NCOR2: variants seen among roughly 807,000 people sequenced by gnomAD.
The protein encoded by NCOR2 is nuclear receptor corepressor 2.
In NCOR2, 81 loss-of-function variants were observed where a neutral mutation model predicts 262.9. The ratio of observed to expected loss-of-function variants is 0.31; its 90% CI spans 0.26 to 0.37. The LOEUF (loss-of-function observed/expected upper bound fraction) is 0.37, where lower values mean the gene tolerates loss of function less well. NCOR2 is among the 10% of genes least tolerant of loss of function. The pLI, the probability that NCOR2 is intolerant of heterozygous loss-of-function variation, is 1.00. For synonymous variants in NCOR2, 1,659 were observed against 1,559.3 expected (o/e 1.06, Z -1.51); for missense variants, 3,385 against 3,621.4 (o/e 0.93, Z 1.68).
intron 8 of NCOR2, 136 bp from the exon 11 acceptor site, chr12:124,430,923 C>T (rs2043876128): frequency 2.0e-6 from 2 of 984,556 alleles, no homozygotes; most frequent in South Asian, 1.7e-5. Flanking sequence ...CACACATATA[C>T]AGTCAGATAC....
intron 32 of NCOR2, among the ~76,000 whole-genome samples, chr12:124,343,871 G>C (rs1408849129): frequency 6.6e-6 from 1 of 152,126 alleles, no homozygotes; most frequent in Non-Finnish European, 1.5e-5. Flanking sequence ...CAGGTGATCT[G>C]CCTGCCTTGA....
rs764663064 is a variant in NCOR2, at chr12:124,343,042, G to C, written c.4899C>G (p.Asp1633Glu). Residue 1633 changes from aspartate to glutamate, a missense_variant, in exon 33 of 47, where the codon GAC becomes GAG. Asp to Glu is a conservative substitution (Grantham distance 45). Transcript: ENST00000405201. ...GGATGCCGCGGGGTATGGAGGTGGGGTCGAAGGCCAGGGGGATGTGGCTGC... is the reference window on the plus strand; with the variant it reads ...GGATGCCGCGGGGTATGGAGGTGGGCTCGAAGGCCAGGGGGATGTGGCTGC... 8 of 1,611,958 alleles carry C rather than the reference G, an allele frequency of 5.0e-6. No homozygotes were observed. In the South Asian group the frequency reaches 8.8e-5, roughly 18 times the overall value.
chr12:124,350,734 T>A lies in NCOR2; in HGVS notation c.3697A>T (p.Thr1233Ser), dbSNP rs1299888252. Residue 1233 changes from threonine (T) to serine (S), a missense_variant, in exon 28 of 47, where the codon ACG becomes TCG. Physicochemically the swap from Thr to Ser is moderately conservative, Grantham distance 58. Around this residue, in one of 5 missense-constraint regions of NCOR2, gnomAD observed 1,615 missense variants for 1,626.9 expected, o/e 0.99. Transcript: ENST00000405201. ...CCCTTGTACAGGACGTCAGCTGGCG[T>A]GCCCTGCAGGTGCAGAGGGGTGAGC... is the stretch of plus-strand genomic sequence containing the variant. 8 of 1,610,780 alleles carry A rather than the reference T, an allele frequency of 5.0e-6. No homozygotes were observed. The South Asian group carries it at 5.5e-5, about 11-fold the overall frequency.
Position 124,343,206 on chromosome 12 carries a change from C to A in NCOR2, c.4735G>T (p.Ala1579Ser), listed in dbSNP as rs1445674950. 1.9e-6 allele frequency: 3 copies of A among 1,608,016 alleles called. No individual in the cohort carries two copies. In the South Asian group the frequency reaches 3.3e-5, roughly 18 times the overall value. Residue 1579 changes from alanine (A) to serine (S), a missense_variant, in exon 33 of 47, where the codon GCA (alanine) becomes TCA (serine). Ala to Ser is a moderately conservative substitution (Grantham distance 99). This residue lies in a region of NCOR2 where 1,615 missense variants were observed against 1,626.9 expected (regional missense o/e 0.99). Coordinates refer to ENST00000405201, the Ensembl canonical transcript of NCOR2. Reference sequence around the variant, plus strand: ...GACGTCAGCTTTCGGTCCTGGGATGCCTTGCTGGACGAAAGGCTGCCTGTG... The same window carrying A: ...GACGTCAGCTTTCGGTCCTGGGATGACTTGCTGGACGAAAGGCTGCCTGTG...
At chr12:124,369,474 C>T (rs2039310169) in intron 20 of NCOR2, among the ~76,000 whole-genome samples, 2 of 151,916 alleles carry the variant, frequency 1.3e-5, no homozygotes, top group Admixed American at 1.3e-4. Context: ...CCTGGGGGGC[C>T]CGCCCGTCCC....
At chr12:124,519,849 AC>A (rs2050077396) in intron 1 of NCOR2, among the ~76,000 whole-genome samples, 1 of 151,594 alleles carries the variant, frequency 6.6e-6, no homozygotes, top group Non-Finnish European at 1.5e-5. Flanking sequence ...GCCGCCACAC[AC>A]AGACAGAGCA....
intron 22 of NCOR2, among the ~76,000 whole-genome samples, chr12:124,360,995 TG>T (rs1402561898): frequency 6.6e-6 from 1 of 152,038 alleles, no homozygotes; most frequent in African/African-American, 2.4e-5. Flanking sequence ...GCATGGTGCC[TG>T]GGGCCTTGGG....
intron 1 of NCOR2, among the ~76,000 whole-genome samples, chr12:124,557,770 C>T (rs771230889): frequency 7.9e-5 from 12 of 152,256 alleles, no homozygotes; most frequent in South Asian, 2.1e-4. Flanking sequence ...CAACTTCTCC[C>T]GCTTGCCTTC....
chr12:124,333,956 GT>G (rs2035601935), intron 41 of NCOR2, among the ~76,000 whole-genome samples: 2 of 120,606 alleles, frequency 1.7e-5, no homozygotes, highest in African/African-American at 3.9e-5. Context: ...GTGTGCACGT[GT>G]GTGTGTGCGG....
rs1479422260 is a variant in NCOR2, at chr12:124,432,214, GAC to G, written c.883-1429_883-1428del. 6.6e-5 allele frequency among the ~76,000 whole-genome samples: 10 copies of G among 151,964 alleles called. No individual in the cohort carries two copies. In the East Asian group the frequency reaches 1.4e-3, roughly 21 times the overall value. On this transcript the variant is annotated intron_variant, in intron 8 of 46. Coordinates refer to ENST00000405201, the Ensembl canonical transcript of NCOR2. The surrounding 1 kb of genome is among the most constrained non-coding windows in gnomAD (Gnocchi z 5.1). ...ACACATACACAGAGTCACACATGTA[GAC>G]ACACAACAGACACACACACATCACA...
intron 22 of NCOR2, among the ~76,000 whole-genome samples, chr12:124,359,013 C>T (rs2038266401): frequency 6.6e-6 from 1 of 152,276 alleles, no homozygotes; most frequent in South Asian, 2.1e-4. Flanking sequence ...TTAATCCAGA[C>T]TGCTATGCCA....
chr12:124,479,435 A>C (rs12422635), intron 3 of NCOR2, among the ~76,000 whole-genome samples: 3,376 of 145,400 alleles, frequency 0.023, 65 homozygotes, highest in Middle Eastern at 0.06. Context: ...GCACACAGGC[A>C]CATGTGTGCA....
chr12:124,519,089 T>TACAC lies in NCOR2; in HGVS notation c.-118+16472_-118+16475dup, dbSNP rs57438929. Among the ~76,000 whole-genome samples the TACAC allele has an allele frequency of 4.5e-3, 437 of 97,296 alleles. 2 individuals are homozygous for TACAC. The highest frequency in any genetic ancestry group is 0.012 in the African/African-American group (360 of 28,832). The allele number at this position is 97,296 out of a possible 152,430, so 63.8% of individuals were successfully genotyped here. A position where few individuals can be genotyped will look rare whatever the true frequency, so the allele number is the denominator to read the frequency against. On this transcript the variant is annotated intron_variant, in intron 1 of 46. Coordinates refer to the NCOR2 transcript ENST00000404621. ...TAGAAAAGAAGACGTGGCCAAATAA[T>TACAC]ACACACACACACACACACACACACA...
In NCOR2 at chr12:124,504,550, G is replaced by A. The variant is rs181424772; in HGVS notation, c.-117-9182C>T. On this transcript the variant is annotated intron_variant, in intron 1 of 46. Transcript: ENST00000404621. This position sits in a 1 kb window ranked among gnomAD's most constrained non-coding sequence, Gnocchi z 4.5. ...TCCTAGCTACACATCCCCAAGGAAC[G>A]GAAAACTGGTGACAAAACAAACAGA... Among the ~76,000 whole-genome samples, 10 of 152,302 alleles carry A rather than the reference G, an allele frequency of 6.6e-5. No individual in the cohort carries two copies. Among genetic ancestry groups the A allele is most frequent in the East Asian group, 1.9e-4 (1 of 5,186 alleles).
intron 16 of NCOR2, 48 bp downstream of exon 18, chr12:124,398,071 G>A (rs375221482): frequency 2.7e-5 from 44 of 1,607,758 alleles, no homozygotes; most frequent in Non-Finnish European, 3.5e-5. Context: ...AGCTTCAGGC[G>A]CCCTGGATGC....
At position 124,398,101 on chromosome 12, in the gene NCOR2, C is replaced by T. The variant is rs1247238362; in HGVS notation, c.1876+18G>A. On this transcript the variant is annotated intron_variant, in intron 16 of 46. Coordinates refer to ENST00000405201, the Ensembl canonical transcript of NCOR2. Reference sequence around the variant, plus strand: ...GGATGCAAACCAACAAGGCTTAAAGCCGCCACACACCCCTCACCTTTCTTG... The same window carrying T: ...GGATGCAAACCAACAAGGCTTAAAGTCGCCACACACCCCTCACCTTTCTTG... 6.2e-7 allele frequency: 1 copy of T among 1,614,082 alleles called. No homozygotes were observed. Among genetic ancestry groups the T allele is most frequent in the Non-Finnish European group, 8.5e-7 (1 of 1,179,932 alleles).
At position 124,433,875 on chromosome 12, in the gene NCOR2, C is replaced by CACACACAA. The variant is rs1555222687; in HGVS notation, c.883-3089_883-3088insTTGTGTGT. Among the ~76,000 whole-genome samples, 33 of 96,154 alleles carry CACACACAA rather than the reference C, an allele frequency of 3.4e-4. 1 individual carries two copies. The South Asian group carries it at 4.1e-3, about 12-fold the overall frequency. 63.1% of individuals were successfully genotyped at this position (96,154 alleles called of 152,430 possible). ...ACACACACACACACACACACACACA[C>CACACACAA]ACACACACACACACACACACACACG... On this transcript the variant is annotated intron_variant, in intron 8 of 46. Transcript: ENST00000405201.
Position 124,378,511 on chromosome 12 carries a change from C to G in NCOR2, c.2020-127G>C. On this transcript the variant is annotated intron_variant, in intron 17 of 46. Coordinates refer to ENST00000405201, the Ensembl canonical transcript of NCOR2. The surrounding 1 kb of genome is among the most constrained non-coding windows in gnomAD (Gnocchi z 4.2). Reference sequence around the variant, plus strand: ...CCGGCCATGTAGCAATGAGGGTGACCGTCCCCCTCACACCCCACCTCGGCA... The same window carrying G: ...CCGGCCATGTAGCAATGAGGGTGACGGTCCCCCTCACACCCCACCTCGGCA... 1.0e-6 allele frequency: 1 copy of G among 973,070 alleles called. No homozygotes were observed. The highest frequency in any genetic ancestry group is 1.7e-5 in the South Asian group (1 of 57,988). 60.3% of individuals were successfully genotyped at this position (973,070 alleles called of 1,614,324 possible). A position where few individuals can be genotyped will look rare whatever the true frequency, so the allele number is the denominator to read the frequency against.
chr12:124,474,296 A>C (rs2046981886), intron 3 of NCOR2, among the ~76,000 whole-genome samples: 1 of 152,264 alleles, frequency 6.6e-6, no homozygotes, highest in African/African-American at 2.4e-5. Context: ...GGCTACAGTT[A>C]AGCTAAAAGG....
Sources: gnomAD v4.1 joint callset for allele counts (sites outside exome capture counted in the v4.1 genomes callset) on GRCh38, gnomAD v4.1.1 for gene constraint, gnomAD v4.1.1 regional missense constraint, Gnocchi (gnomAD v3.1) non-coding constraint, MANE v1.5 for transcripts, NCBI Gene and HGNC (gene_info 2026-07-23, HGNC 2026-07-21) for gene names.